Variants in MKRN2 observed in about 807,000 individuals in gnomAD.
MKRN2 encodes makorin ring finger protein 2.
Under a neutral mutation model 45.4 loss-of-function variants are expected in MKRN2, and 32 were observed. The ratio of observed to expected loss-of-function variants is 0.70; its 90% CI spans 0.53 to 0.95. The LOEUF is 0.95. MKRN2 is among the 40% of genes least tolerant of loss of function. The pLI, the probability that MKRN2 is intolerant of heterozygous loss-of-function variation, is 0.00. For synonymous variants in MKRN2, 206 were observed against 192.4 expected (o/e 1.07, Z -0.59); for missense variants, 526 against 536.7 (o/e 0.98, Z 0.20).
intron 3 of MKRN2, among the ~76,000 whole-genome samples, chr3:12,570,890 A>AAG (rs34868795): frequency 0.013 from 1,847 of 147,644 alleles, 45 homozygotes; most frequent in African/African-American, 0.046. Flanking sequence ...TCTCAAAAAA[A>AAG]AAAAAAAAAA....
Position 12,574,949 on chromosome 3 carries a change from G to A in MKRN2, c.800G>A (p.Cys267Tyr). ...CTCTCCAATTGCAATCACACGTACT[G>A]TTTGTCCTGCATCCGGCAGTGGCGG... is the stretch of plus-strand genomic sequence containing the variant. ...GILSNCNHTY[C>Y]LSCIRQWRCA... Residue 267 changes from cysteine (C) to tyrosine (Y), a missense_variant, in exon 5 of 8, where the codon TGT becomes TAT. Cys to Tyr is a radical substitution (Grantham distance 194). Transcript: ENST00000170447. The A allele has an allele frequency of 6.2e-7, 1 of 1,614,264 alleles. No homozygotes were observed. The highest frequency in any genetic ancestry group is 8.5e-7 in the Non-Finnish European group (1 of 1,180,044).
At chr3:12,573,083 A>G (rs1172904405) in intron 4 of MKRN2, among the ~76,000 whole-genome samples, 1 of 152,122 alleles carries the variant, frequency 6.6e-6, no homozygotes, top group African/African-American at 2.4e-5. Context: ...AGCTAGGTGA[A>G]GTTTTGGAAG....
rs368233024 is a variant in MKRN2, at chr3:12,581,685, C to T, written c.969-123C>T. On this transcript the variant is annotated intron_variant, in intron 6 of 7. Coordinates refer to ENST00000170447, the MANE Select transcript of MKRN2 (RefSeq NM_014160.5). The stretch of plus-strand genomic sequence containing the variant: ...CAACCTCTCCCAGCCTCAGCTGCCC[C>T]ACCTAGAATGTGAGGCTGACCTACC... 8.6e-5 allele frequency: 90 copies of T among 1,047,414 alleles called. No homozygotes were observed. The East Asian group carries it at 1.5e-3, about 18-fold the overall frequency. The allele number at this position is 1,047,414 out of a possible 1,614,324, so 64.9% of individuals were successfully genotyped here.
intron 1 of MKRN2, among the ~76,000 whole-genome samples, chr3:12,564,434 C>T (rs1476433862): frequency 6.6e-6 from 1 of 152,164 alleles, no homozygotes; most frequent in African/African-American, 2.4e-5. Context: ...TATACCTAGT[C>T]CATACTCACA....
Position 12,559,226 on chromosome 3 carries a change from A to G in MKRN2, c.26+2050A>G, listed in dbSNP as rs575599654. The stretch of plus-strand genomic sequence containing the variant: ...AGGTGTTTTAAGTGGGAAAAAACCA[A>G]TATGACCAAGAGTACCAAGTTTACA... On this transcript the variant is annotated intron_variant, in intron 1 of 7. Transcript: ENST00000170447. 1.6e-3 allele frequency among the ~76,000 whole-genome samples: 249 copies of G among 152,336 alleles called. 1 individual carries two copies. The highest frequency in any genetic ancestry group is 2.8e-3 in the Non-Finnish European group (190 of 68,032).
chr3:12,559,760 C>G (rs561956711), intron 1 of MKRN2, among the ~76,000 whole-genome samples: 24 of 152,188 alleles, frequency 1.6e-4, no homozygotes, highest in Non-Finnish European at 2.6e-4. Context: ...TCCCCTCCCC[C>G]ACAACCATCT....
intron 4 of MKRN2, 55 bp from the exon 5 acceptor site, chr3:12,574,737 C>T: frequency 2.0e-6 from 3 of 1,487,172 alleles, no homozygotes; most frequent in East Asian, 4.5e-5. Flanking sequence ...TCCTAGGGCT[C>T]CTGCCACTCC....
chr3:12,575,360 GT>G (rs571315376), intron 5 of MKRN2, among the ~76,000 whole-genome samples: 6 of 152,070 alleles, frequency 3.9e-5, no homozygotes, highest in Non-Finnish European at 5.9e-5. Context: ...TTTGAGCTTC[GT>G]TTTTTCCCCC....
Position 12,582,424 on chromosome 3 carries a change from G to A in MKRN2, c.*171G>A, listed in dbSNP as rs2125310159. 5.1e-6 allele frequency: 4 copies of A among 787,810 alleles called. No homozygotes were observed. The highest frequency in any genetic ancestry group is 2.6e-5 in the East Asian group (1 of 38,368). 48.8% of individuals were successfully genotyped at this position (787,810 alleles called of 1,614,324 possible). ...TCCATTATTACAGCCATGGGGAAGA[G>A]TGAAAGATATAAAGTAACCTAATTA... On this transcript the variant is annotated 3_prime_UTR_variant, in exon 8 of 8. Coordinates refer to ENST00000170447, the MANE Select transcript of MKRN2 (RefSeq NM_014160.5).
rs770685443 is a variant in MKRN2, at chr3:12,574,896, C to T, written c.747C>T (p.Ala249=). ...SICMEVILEK[A]SASERRFGIL... is the part of the protein sequence containing the mutation. The stretch of plus-strand genomic sequence containing the variant: ...GCATGGAAGTGATCCTGGAGAAGGC[C>T]TCTGCTTCTGAGAGGAGATTTGGGA... The change falls in exon 5 of 8, where the codon GCC becomes GCT. Residue 249 remains alanine, a synonymous_variant. Transcript: ENST00000170447. 6 of 1,614,228 alleles carry T rather than the reference C, an allele frequency of 3.7e-6. No individual in the cohort carries two copies. The highest frequency in any genetic ancestry group is 1.3e-5 in the African/African-American group (1 of 75,072).
rs995906103 is a variant in MKRN2 at position 12,575,124 on chromosome 3, C to T, written c.857+118C>T. ...AAGAGTAACTGGTGAGTTCTGGCCC[C>T]TGGCTGCATGAACTTCAGCAAGTCA... On this transcript the variant is annotated intron_variant, in intron 5 of 7. Coordinates refer to ENST00000170447, the MANE Select transcript of MKRN2 (RefSeq NM_014160.5). 4 of 912,970 alleles carry T rather than the reference C, an allele frequency of 4.4e-6. No individual in the cohort carries two copies. The African/African-American group carries it at 6.7e-5, about 15-fold the overall frequency. 56.6% of individuals were successfully genotyped at this position (912,970 alleles called of 1,614,324 possible).
Position 12,574,735 on chromosome 3 carries a change from C to T in MKRN2, c.643-57C>T, listed in dbSNP as rs1214861490. On this transcript the variant is annotated intron_variant, in intron 4 of 7. Coordinates refer to ENST00000170447, the MANE Select transcript of MKRN2 (RefSeq NM_014160.5). ...AGTGTGGCTGCAGCTACTCCTAGGG[C>T]TCCTGCCACTCCTCAGTGGCCCACA... 4.0e-6 allele frequency: 6 copies of T among 1,482,760 alleles called. No individual in the cohort carries two copies. In the East Asian group the frequency reaches 9.1e-5, roughly 22 times the overall value. The allele number at this position is 1,482,760 out of a possible 1,614,324, so 91.9% of individuals were successfully genotyped here.
intron 3 of MKRN2, among the ~76,000 whole-genome samples, 186 bp from the exon 4 acceptor site, chr3:12,571,883 G>C (rs1245637885): frequency 6.6e-6 from 1 of 151,910 alleles, no homozygotes; most frequent in East Asian, 1.9e-4. Context: ...GTAATTATAA[G>C]TAATGTCACT....
chr3:12,577,262 T>C (rs2058147687), intron 6 of MKRN2: 1 of 152,088 alleles, frequency 6.6e-6, no homozygotes, highest in African/African-American at 2.4e-5. Flanking sequence ...TTTATCCTGG[T>C]TGTCAGCATG....
intron 3 of MKRN2, 93 bp downstream of exon 3, chr3:12,570,345 T>G (rs552035986): frequency 1.6e-5 from 20 of 1,279,000 alleles, no homozygotes; most frequent in Non-Finnish European, 1.8e-5. Context: ...TCAAGAGGAC[T>G]CCTAACCTAA....
At chr3:12,558,656 C>G (rs1282488734) in intron 1 of MKRN2, among the ~76,000 whole-genome samples, 1 of 152,214 alleles carries the variant, frequency 6.6e-6, no homozygotes, top group East Asian at 1.9e-4. Flanking sequence ...TTAGTAGAGG[C>G]ACAAGGACCT....
In MKRN2 at chr3:12,581,879, A is replaced by G. The variant is rs1431908763; in HGVS notation, c.1040A>G (p.His347Arg). Residue 347 changes from histidine to arginine, a missense_variant, in exon 7 of 8, where the codon CAT (histidine) becomes CGT (arginine). Transcript: ENST00000170447. Reference sequence around the variant, plus strand: ...TTTGGAAGCAAATGTCTTTATCGCCATGCTTACCCCGATGGGCGGCTAGCA... The same window carrying G: ...TTTGGAAGCAAATGTCTTTATCGCCGTGCTTACCCCGATGGGCGGCTAGCA... ...CPFGSKCLYRHAYPDGRLAEP... is the reference protein window; with the variant it reads ...CPFGSKCLYRRAYPDGRLAEP... The G allele has an allele frequency of 1.9e-6, 3 of 1,614,200 alleles. No individual in the cohort carries two copies. The highest frequency in any genetic ancestry group is 2.2e-5 in the East Asian group (1 of 44,880).
At chr3:12,575,749 C>T (rs529867408) in intron 5 of MKRN2, among the ~76,000 whole-genome samples, 12 of 152,314 alleles carry the variant, frequency 7.9e-5, no homozygotes, top group African/African-American at 2.6e-4. Context: ...CTATTCTGGA[C>T]ACTTCTTATA....
At position 12,572,132 on chromosome 3, in the gene MKRN2, G is replaced by A. The variant is rs753356310; in HGVS notation, c.401G>A (p.Ser134Asn). ...PSMVSNPGSC[S>N]DPQPSPEMKP... ...ATGGTGAGTAATCCAGGCAGCTGCA[G>A]CGACCCCCAGCCCAGCCCCGAGATG... The change falls in exon 4 of 8, where the codon AGC becomes AAC. Residue 134 changes from serine to asparagine, a missense_variant. Physicochemically the swap from Ser to Asn is conservative, Grantham distance 46 (BLOSUM62 1). Transcript: ENST00000170447. 1.1e-5 allele frequency: 17 copies of A among 1,614,004 alleles called. No individual in the cohort carries two copies. The highest frequency in any genetic ancestry group is 1.4e-5 in the Non-Finnish European group (17 of 1,179,982).
Sources: allele counts gnomAD v4.1 joint callset (sites outside exome capture counted in the v4.1 genomes callset), GRCh38; gene constraint gnomAD v4.1.1; transcripts MANE v1.5; gene names NCBI Gene and HGNC (gene_info 2026-07-23, HGNC 2026-07-21).